The following ANKRD55 variants were observed in gnomAD, a reference collection of about 807,000 sequenced individuals.
ANKRD55 encodes the protein ankyrin repeat domain-containing protein 55.
In ANKRD55, 41 loss-of-function variants were observed where a neutral mutation model predicts 60.6. The ratio of observed to expected loss-of-function variants is 0.68; its 90% confidence interval spans 0.53 to 0.88. The LOEUF is 0.88. Among genes scored for constraint, ANKRD55 ranks in the 40% least tolerant of loss-of-function variants. The probability of loss-of-function intolerance (pLI) is 0.00; values close to 1 mark genes in which losing one functional copy is unlikely to be tolerated. For synonymous variants in ANKRD55, 264 were observed against 290.3 expected (o/e 0.91, Z 0.92); for missense variants, 732 against 767.6 (o/e 0.95, Z 0.55).
At chr5:56,205,951 G>C (rs917194541) in intron 2 of ANKRD55, among the ~76,000 whole-genome samples, 1 of 150,356 alleles carries the variant, frequency 6.7e-6, no homozygotes, top group East Asian at 2.0e-4. Flanking sequence ...CATCACTGAT[G>C]CATTTTTTTT....
chr5:56,201,319 T>C (rs1322218498), intron 2 of ANKRD55, among the ~76,000 whole-genome samples: 5 of 152,180 alleles, frequency 3.3e-5, no homozygotes, highest in African/African-American at 1.2e-4. Flanking sequence ...CCACTGGTAA[T>C]AAAGAGTCTC....
chr5:56,126,874 T>C, intron 8 of ANKRD55, 48 bp downstream of exon 8: 2 of 1,551,804 alleles, frequency 1.3e-6, no homozygotes, highest in Non-Finnish European at 1.7e-6. Flanking sequence ...AAGATTCAGT[T>C]AGGGGGAAAT....
intron 10 of ANKRD55, among the ~76,000 whole-genome samples, chr5:56,105,283 C>T (rs192121372): frequency 6.6e-6 from 1 of 152,244 alleles, no homozygotes; most frequent in Non-Finnish European, 1.5e-5. Context: ...GATGGGGTTT[C>T]ACCATGTTGG....
chr5:56,183,750 G>A, intron 2 of ANKRD55, 116 bp from the exon 3 acceptor site: 1 of 1,364,596 alleles, frequency 7.3e-7, no homozygotes, highest in Non-Finnish European at 1.0e-6. Flanking sequence ...AGTGAATCCA[G>A]GCAGAAGTCT....
At chr5:56,141,741 A>G (rs1416350114) in intron 7 of ANKRD55, among the ~76,000 whole-genome samples, 1 of 152,210 alleles carries the variant, frequency 6.6e-6, no homozygotes, top group Non-Finnish European at 1.5e-5. Context: ...AAACATAAAA[A>G]AAAGAGAAAG....
chr5:56,217,555 T>TAAA (rs142188447), intron 2 of ANKRD55, among the ~76,000 whole-genome samples: 2 of 150,438 alleles, frequency 1.3e-5, no homozygotes, highest in African/African-American at 4.9e-5. Context: ...CCAGAGAAAA[T>TAAA]AAAAAAAAAT....
intron 3 of ANKRD55, 42 bp downstream of exon 3, chr5:56,183,470 T>A: frequency 6.2e-7 from 1 of 1,608,330 alleles, no homozygotes; most frequent in Non-Finnish European, 8.5e-7. Context: ...TCTAAAAAAA[T>A]AGAGCAGAAC....
intron 5 of ANKRD55, among the ~76,000 whole-genome samples, chr5:56,166,860 C>T (rs572480186): frequency 3.9e-5 from 6 of 152,218 alleles, no homozygotes; most frequent in African/African-American, 1.2e-4. Context: ...TAGAATTTTT[C>T]GGAGGTGCTA....
At chr5:56,125,868 T>G (rs1440234651) in intron 8 of ANKRD55, 1 of 152,142 alleles carries the variant, frequency 6.6e-6, no homozygotes, top group Non-Finnish European at 1.5e-5. Flanking sequence ...GCACGGTGGC[T>G]CACGCACGTA....
intron 5 of ANKRD55, among the ~76,000 whole-genome samples, chr5:56,168,475 G>C (rs988546021): frequency 1.3e-5 from 2 of 152,128 alleles, no homozygotes; most frequent in African/African-American, 4.8e-5. Flanking sequence ...ATTTTACTTA[G>C]CAGTGGCCCC....
intron 3 of ANKRD55, 122 bp from the exon 4 acceptor site, chr5:56,176,404 C>T: frequency 9.4e-7 from 1 of 1,068,900 alleles, no homozygotes; most frequent in Non-Finnish European, 1.4e-6. Flanking sequence ...TTGTATGGGA[C>T]TGAAGGGAGA....
intron 2 of ANKRD55, among the ~76,000 whole-genome samples, chr5:56,197,133 A>C (rs1759246282): frequency 6.6e-6 from 1 of 152,222 alleles, no homozygotes; most frequent in African/African-American, 2.4e-5. Flanking sequence ...TTTTTCAAAA[A>C]GCATGTTTTA....
intron 5 of ANKRD55, among the ~76,000 whole-genome samples, chr5:56,162,715 G>T (rs1758363263): frequency 1.3e-5 from 2 of 151,274 alleles, no homozygotes; most frequent in African/African-American, 4.9e-5. Context: ...TGTCACCCAG[G>T]CTGGAGTGCA....
intron 3 of ANKRD55, among the ~76,000 whole-genome samples, chr5:56,177,858 T>A (rs376532651): frequency 1.3e-5 from 2 of 152,164 alleles, no homozygotes; most frequent in African/African-American, 4.8e-5. Context: ...TCTGGCTAAT[T>A]TACATCTATC....
At chr5:56,127,262 T>C (rs757208887) in intron 7 of ANKRD55, 156 bp from the exon 8 acceptor site, 25 of 982,186 alleles carry the variant, frequency 2.5e-5, no homozygotes, top group Non-Finnish European at 3.0e-5. Context: ...AGAATAAAAA[T>C]ACACTCTATC....
At chr5:56,100,443 G>A in intron 11 of ANKRD55, 139 bp from the exon 12 acceptor site, 3 of 981,262 alleles carry the variant, frequency 3.1e-6, no homozygotes, top group Non-Finnish European at 3.0e-6. Context: ...GCAGAGAGAA[G>A]CTGTGTATGT....
intron 2 of ANKRD55, among the ~76,000 whole-genome samples, chr5:56,197,654 T>C (rs1436974793): frequency 6.6e-6 from 1 of 152,230 alleles, no homozygotes; most frequent in Admixed American, 6.5e-5. Context: ...TGTTCTCTAA[T>C]GATGGTATGC....
At chr5:56,193,475 A>T in intron 2 of ANKRD55, 1 of 491,166 alleles carries the variant, frequency 2.0e-6, no homozygotes, top group South Asian at 2.3e-5. Context: ...TCTTTTCACT[A>T]TGTTGATTTT....
intron 9 of ANKRD55, among the ~76,000 whole-genome samples, chr5:56,116,063 C>T (rs146380712): frequency 0.073 from 11,106 of 152,078 alleles, 568 homozygotes; most frequent in African/African-American, 0.14. Flanking sequence ...CCATGTTGGC[C>T]AGGCTGGTCT....
Sources: gnomAD v4.1 joint callset for allele counts (sites outside exome capture counted in the v4.1 genomes callset) on GRCh38, gnomAD v4.1.1 for gene constraint, MANE v1.5 for transcripts, NCBI Gene and HGNC (gene_info 2026-07-23, HGNC 2026-07-21) for gene names.